The following SRGAP1 variants were observed in gnomAD, a reference collection of about 807,000 sequenced individuals.
SRGAP1 encodes the protein SLIT-ROBO Rho GTPase activating protein 1.
SRGAP1 carries 43 observed loss-of-function variants against 121.9 expected under a neutral mutation model. The ratio of observed to expected loss-of-function variants is 0.35; its 90% confidence interval spans 0.28 to 0.46. SRGAP1 has a LOEUF of 0.46. SRGAP1 is among the 20% of genes least tolerant of loss of function. The pLI is 1.00. For synonymous variants in SRGAP1, 447 were observed against 485.4 expected (o/e 0.92, Z 1.04); for missense variants, 1,102 against 1,350.9 (o/e 0.82, Z 2.89).
In SRGAP1 at chr12:64,157,094, T is replaced by C. The variant is rs1346541562; in HGVS notation, c.*14422T>C. ...CAGCGATAGTACACACGCCTTCCCA[T>C]AGAGTGAGGTGGCTTTCCCACCCCT... On this transcript the variant is annotated 3_prime_UTR_variant, in exon 22 of 22. Coordinates refer to ENST00000355086, the MANE Select transcript of SRGAP1 (RefSeq NM_020762.4). 1 of 152,114 alleles carries C rather than the reference T, an allele frequency of 6.6e-6. No homozygotes were observed. The highest frequency in any genetic ancestry group is 1.9e-4 in the East Asian group (1 of 5,194). 9.4% of individuals were successfully genotyped at this position (152,114 alleles called of 1,614,324 possible).
chr12:63,905,792 A>G (rs549144741), intron 1 of SRGAP1, among the ~76,000 whole-genome samples: 11 of 152,356 alleles, frequency 7.2e-5, no homozygotes, highest in African/African-American at 2.6e-4. Context: ...GAGCTATAGC[A>G]CAGCAAAATG....
At chr12:63,957,609 C>T (rs111872352) in intron 1 of SRGAP1, among the ~76,000 whole-genome samples, 15 of 152,176 alleles carry the variant, frequency 9.9e-5, no homozygotes, top group Middle Eastern at 3.4e-3. Flanking sequence ...AAATGCTGCT[C>T]GTCCCTGCCC....
At chr12:63,990,674 A>G (rs1004738838) in intron 3 of SRGAP1, among the ~76,000 whole-genome samples, 2 of 152,224 alleles carry the variant, frequency 1.3e-5, no homozygotes, top group Non-Finnish European at 2.9e-5. Flanking sequence ...ATTTTGATAT[A>G]AGATGTTCCT....
At chr12:64,027,423 T>C (rs1035234106) in intron 4 of SRGAP1, among the ~76,000 whole-genome samples, 1 of 151,628 alleles carries the variant, frequency 6.6e-6, no homozygotes, top group African/African-American at 2.4e-5. Context: ...ACTGAGAAAA[T>C]TGCAGAGAGG....
At chr12:63,878,629 C>T (rs1900099252) in intron 1 of SRGAP1, among the ~76,000 whole-genome samples, 1 of 152,186 alleles carries the variant, frequency 6.6e-6, no homozygotes, top group African/African-American at 2.4e-5. Flanking sequence ...ATCTCTAGAA[C>T]ACGGTAGGGA....
chr12:64,056,743 A>G (rs1365422589), intron 6 of SRGAP1, among the ~76,000 whole-genome samples: 6 of 152,028 alleles, frequency 3.9e-5, no homozygotes. Context: ...ACCATACATC[A>G]GGTACATTAG....
At chr12:63,845,728 T>C (rs1285955424) in intron 1 of SRGAP1, among the ~76,000 whole-genome samples, 1 of 152,216 alleles carries the variant, frequency 6.6e-6, no homozygotes, top group Non-Finnish European at 1.5e-5. Flanking sequence ...CGTAAACATA[T>C]GTGTTACTTG....
At chr12:63,875,413 T>C (rs1592905063) in intron 1 of SRGAP1, among the ~76,000 whole-genome samples, 1 of 152,310 alleles carries the variant, frequency 6.6e-6, no homozygotes, top group East Asian at 1.9e-4. Context: ...GCTCCCAATT[T>C]AGAATTTTTG....
intron 1 of SRGAP1, among the ~76,000 whole-genome samples, chr12:63,906,049 A>G (rs192163635): frequency 1.4e-4 from 22 of 152,174 alleles, no homozygotes; most frequent in South Asian, 6.2e-4. Context: ...TTAATCCCCA[A>G]TCCCACCCCA....
intron 1 of SRGAP1, among the ~76,000 whole-genome samples, chr12:63,864,499 G>C (rs1684807431): frequency 6.6e-6 from 1 of 151,990 alleles, no homozygotes; most frequent in Non-Finnish European, 1.5e-5. Flanking sequence ...GCTACTTTCT[G>C]GCAGTTTAAC....
At chr12:64,082,282 C>T (rs2035861644) in intron 10 of SRGAP1, among the ~76,000 whole-genome samples, 1 of 151,984 alleles carries the variant, frequency 6.6e-6, no homozygotes, top group African/African-American at 2.4e-5. Flanking sequence ...AACATGGATT[C>T]TCTTGTGTCT....
At chr12:63,890,168 T>G (rs976451353) in intron 1 of SRGAP1, among the ~76,000 whole-genome samples, 5 of 152,186 alleles carry the variant, frequency 3.3e-5, no homozygotes, top group African/African-American at 9.6e-5. Flanking sequence ...CCGTTATTCT[T>G]AGCTCACACC....
At position 64,078,953 on chromosome 12, in the gene SRGAP1, T is replaced by TA; in HGVS notation, c.1161dup (p.Gln388ThrfsTer10). ...ACGACTGAAGCCACCTTGCAGACGA[T>TA]ACAAGATATGGTCACCATCGAGGAC... On this transcript the variant is annotated frameshift_variant, in exon 9 of 22. Coordinates refer to ENST00000355086, the MANE Select transcript of SRGAP1 (RefSeq NM_020762.4). LOFTEE classifies it high-confidence loss of function. 1 of 1,614,036 alleles carries TA rather than the reference T, an allele frequency of 6.2e-7. No individual in the cohort carries two copies. The highest frequency in any genetic ancestry group is 8.5e-7 in the Non-Finnish European group (1 of 1,179,990).
chr12:64,021,577 T>C (rs2034550822), intron 4 of SRGAP1, among the ~76,000 whole-genome samples: 1 of 152,208 alleles, frequency 6.6e-6, no homozygotes, highest in Non-Finnish European at 1.5e-5. Flanking sequence ...AGTCTAGGAC[T>C]GGCTGCAGAG....
chr12:63,856,538 G>A (rs73126620), intron 1 of SRGAP1, among the ~76,000 whole-genome samples: 171 of 144,732 alleles, frequency 1.2e-3, no homozygotes, highest in African/African-American at 4.5e-3. Flanking sequence ...CCTTTCTTGG[G>A]TTCCATGTGC....
chr12:63,873,533 CAAAAAAAAAAAAAA>C (rs1262731986), intron 1 of SRGAP1, among the ~76,000 whole-genome samples: 1 of 49,532 alleles, frequency 2.0e-5, no homozygotes, highest in African/African-American at 7.8e-5. Flanking sequence ...AAATCCGTCT[CAAAAAAAAAAAAAA>C]GAAAAGAAAA....
At chr12:64,100,243 T>C (rs1199708811) in intron 15 of SRGAP1, among the ~76,000 whole-genome samples, 1 of 152,242 alleles carries the variant, frequency 6.6e-6, no homozygotes. Flanking sequence ...AGTATGTGTT[T>C]CTTTGGCATA....
At chr12:64,092,091 A>G (rs1031301501) in intron 12 of SRGAP1, among the ~76,000 whole-genome samples, 6 of 152,346 alleles carry the variant, frequency 3.9e-5, no homozygotes, top group Admixed American at 2.6e-4. Context: ...AACTGTAGCA[A>G]TCAAACACTA....
intron 1 of SRGAP1, among the ~76,000 whole-genome samples, chr12:63,853,685 C>T (rs184515949): frequency 7.7e-4 from 117 of 152,320 alleles, no homozygotes; most frequent in Admixed American, 1.3e-3. Flanking sequence ...GCAAAACAAG[C>T]TGCAATGCAC....
Sources: gnomAD v4.1 joint callset for allele counts (sites outside exome capture counted in the v4.1 genomes callset) on GRCh38, gnomAD v4.1.1 for gene constraint, MANE v1.5 for transcripts, NCBI Gene and HGNC (gene_info 2026-07-23, HGNC 2026-07-21) for gene names.